PKD1: variants seen among roughly 807,000 people sequenced by gnomAD.
PKD1 encodes polycystin-1.
PKD1 carries 81 observed loss-of-function variants against 361.7 expected under a neutral mutation model. That is an observed-to-expected ratio of 0.22 (90% CI 0.19 to 0.27). PKD1 has a LOEUF of 0.27. PKD1 is among the 10% of genes least tolerant of loss of function. The probability of loss-of-function intolerance (pLI) is 1.00; values close to 1 mark genes in which losing one functional copy is unlikely to be tolerated. For synonymous variants in PKD1, 3,615 were observed against 2,818.3 expected, an observed-to-expected ratio of 1.28 and a Z score of -8.95; for missense variants, 6,399 against 6,118.3, an observed-to-expected ratio of 1.05 and a Z score of -1.53.
At position 2,108,565 on chromosome 16, in the gene PKD1, G is replaced by A. The variant is rs564434419; in HGVS notation, c.6602C>T (p.Pro2201Leu). 5 of 1,576,678 alleles carry A rather than the reference G, an allele frequency of 3.2e-6. No homozygotes were observed. The highest frequency in any genetic ancestry group is 3.6e-5 in the Admixed American group (2 of 54,842). The change falls in exon 15 of 46, where the codon CCA (proline) becomes CTA (leucine). Residue 2201 changes from proline (P) to leucine (L), a missense_variant. Pro to Leu is a moderately conservative substitution (Grantham distance 98, BLOSUM62 -3). Coordinates refer to ENST00000262304, the MANE Select transcript of PKD1 (RefSeq NM_001009944.3). ...CACGCCGGGCAGGGCCACACGCGCT[G>A]GGCGCCCCGGCCGCTGGCAGCTGGC... ...RTASCQRPGR[P>L]ARVALPGVDV...
At chr16:2,097,292 G>C (rs2091887952) in intron 33 of PKD1, 27 bp downstream of exon 33, 1 of 1,611,200 alleles carries the variant, frequency 6.2e-7, no homozygotes, top group South Asian at 1.1e-5. Flanking sequence ...GTGAGCTTCA[G>C]AGCCCCCTCC....
chr16:2,135,343 C>A (rs1464730818), intron 1 of PKD1, 132 bp downstream of exon 1: 1 of 1,068,038 alleles, frequency 9.4e-7, no homozygotes, highest in Non-Finnish European at 1.1e-6. Context: ...TTAGCAGGGC[C>A]GCCGTGCCGC....
At chr16:2,107,407 G>A (rs2092378788) in intron 16 of PKD1, 1 of 360,108 alleles carries the variant, frequency 2.8e-6, no homozygotes, top group Non-Finnish European at 5.3e-6. Flanking sequence ...CCCCAATCAG[G>A]CCAGCTGAGG....
chr16:2,103,404 G>T lies in PKD1; in HGVS notation c.8653C>A (p.Arg2885=). The change falls in exon 23 of 46, where the codon CGG becomes AGG. Residue 2885 remains arginine (R), a synonymous_variant. Transcript: ENST00000262304. ...GAGTTGGCGGAGCTGCGGTGGCCCC[G>T]GGCAGCCCAGTCCGAGTTGTTGGGC... ...KVPNNSDWAA[R]GHRSSANSAN... 6.3e-7 allele frequency: 1 copy of T among 1,599,618 alleles called. No homozygotes were observed. The highest frequency in any genetic ancestry group is 8.5e-7 in the Non-Finnish European group (1 of 1,179,612).
chr16:2,113,178 C>G lies in PKD1; in HGVS notation c.2968G>C (p.Ala990Pro), dbSNP rs1028623903. The change falls in exon 12 of 46, where the codon GCG (alanine) becomes CCG (proline). Residue 990 changes from alanine to proline, a missense_variant. Transcript: ENST00000262304. ...VVFNVIYQSA[A>P]VFKLSLTASN... The stretch of plus-strand genomic sequence containing the variant: ...CCACCTACTGAGAGCTTGAAGACCG[C>G]CGCGCTCTGATAAATGACATTGAAG... The G allele has an allele frequency of 1.0e-5, 11 of 1,078,078 alleles. No homozygotes were observed. The highest frequency in any genetic ancestry group is 7.1e-5 in the East Asian group (3 of 42,320). 66.8% of individuals were successfully genotyped at this position (1,078,078 alleles called of 1,614,324 possible). A position where few individuals can be genotyped will look rare whatever the true frequency, so the allele number is the denominator to read the frequency against.
chr16:2,127,534 C>T (rs973975218), intron 1 of PKD1, among the ~76,000 whole-genome samples: 14 of 152,294 alleles, frequency 9.2e-5, no homozygotes, highest in Middle Eastern at 3.4e-3. Flanking sequence ...TGGCTCTCAC[C>T]CTCAGGCTGT....
At chr16:2,130,615 G>A (rs749799990) in intron 1 of PKD1, among the ~76,000 whole-genome samples, 1 of 152,200 alleles carries the variant, frequency 6.6e-6, no homozygotes, top group African/African-American at 2.4e-5. Flanking sequence ...GGAGCCAGGG[G>A]CCCCTCCGTG....
At chr16:2,095,860 G>A (rs558253621) in intron 34 of PKD1, among the ~76,000 whole-genome samples, 68 of 152,336 alleles carry the variant, frequency 4.5e-4, no homozygotes, top group Non-Finnish European at 6.5e-4. Flanking sequence ...TTGGGCCGGA[G>A]ATACCTGGGG....
chr16:2,096,900 C>T (rs2091870338), intron 34 of PKD1: 1 of 575,898 alleles, frequency 1.7e-6, no homozygotes, highest in Non-Finnish European at 3.1e-6. Context: ...CAGCCTCACA[C>T]AGGAGCCTTT....
In PKD1 at chr16:2,090,041, T is replaced by C. The variant is rs1413214897; in HGVS notation, c.12598A>G (p.Ser4200Gly). 1 of 1,611,520 alleles carries C rather than the reference T, an allele frequency of 6.2e-7. No homozygotes were observed. The highest frequency in any genetic ancestry group is 1.1e-5 in the South Asian group (1 of 90,968). ...SSSQLDGLSVSLGRLGTRCEP... is the reference protein window; with the variant it reads ...SSSQLDGLSVGLGRLGTRCEP... Reference sequence around the variant, plus strand: ...CACCTTGTCCCCAGCCGGCCCAGGCTCACGCTCAGCCCATCCAGCTGGCTG... The same window carrying C: ...CACCTTGTCCCCAGCCGGCCCAGGCCCACGCTCAGCCCATCCAGCTGGCTG... The change falls in exon 46 of 46, where the codon AGC becomes GGC. Residue 4200 changes from serine (S) to glycine (G), a missense_variant. Physicochemically the swap from Ser to Gly is moderately conservative, Grantham distance 56. Transcript: ENST00000262304.
rs771932172 is a variant in PKD1, at chr16:2,106,914, G to A, written c.7100C>T (p.Ser2367Phe). The change falls in exon 17 of 46, where the codon TCC (serine) becomes TTC (phenylalanine). Residue 2367 changes from serine (S) to phenylalanine (F), a missense_variant. Ser to Phe is a radical substitution (Grantham distance 155, BLOSUM62 -2). Coordinates refer to ENST00000262304, the MANE Select transcript of PKD1 (RefSeq NM_001009944.3). This position sits in a 1 kb window ranked among gnomAD's most constrained non-coding sequence, Gnocchi z 6.5. ...TGCCTTGCAGGACACACACTCCAAG[G>A]ACACAATGGGCACCCGGCCACTCCG... ...LIRSGRVPIV[S>F]LECVSCKAQA... 188 of 1,572,236 alleles carry A rather than the reference G, an allele frequency of 1.2e-4. 2 individuals are homozygous for A. In the East Asian group the frequency reaches 4.1e-3, roughly 34 times the overall value.
At position 2,135,510 on chromosome 16, in the gene PKD1, A is replaced by C. The variant is rs2092940096; in HGVS notation, c.180T>G (p.Gly60=). The change falls in exon 1 of 46, where the codon GGT becomes GGG. Residue 60 remains glycine, a synonymous_variant. Coordinates refer to ENST00000262304, the MANE Select transcript of PKD1 (RefSeq NM_001009944.3). ...CGTCCGCGGGGATGCGCAGCGCGGG[A>C]CCGAGCGTCCGCAGCCCGCGGCCCG... The part of the protein sequence containing the change: ...NCSGRGLRTL[G]PALRIPADAT... 1 of 1,169,198 alleles carries C rather than the reference A, an allele frequency of 8.6e-7. No homozygotes were observed. The highest frequency in any genetic ancestry group is 1.6e-5 in the African/African-American group (1 of 61,910). The allele number at this position is 1,169,198 out of a possible 1,614,324, so 72.4% of individuals were successfully genotyped here. A position where few individuals can be genotyped will look rare whatever the true frequency, so the allele number is the denominator to read the frequency against.
In PKD1 at chr16:2,111,612, G is replaced by A; in HGVS notation, c.3555C>T (p.Gly1185=). 1 of 1,573,596 alleles carries A rather than the reference G, an allele frequency of 6.4e-7. No individual in the cohort carries two copies. The highest frequency in any genetic ancestry group is 8.6e-7 in the Non-Finnish European group (1 of 1,160,708). Residue 1185 remains glycine, a synonymous_variant, in exon 15 of 46, where the codon GGC becomes GGT. Coordinates refer to ENST00000262304, the MANE Select transcript of PKD1 (RefSeq NM_001009944.3). The part of the protein sequence containing the change: ...PAANHTYASR[G]TYHVRLEVNN... Reference sequence around the variant, plus strand: ...TGACCTCCAGGCGCACGTGGTAGGTGCCCCTCGAGGCATAGGTGTGGTTGG... The same window carrying A: ...TGACCTCCAGGCGCACGTGGTAGGTACCCCTCGAGGCATAGGTGTGGTTGG...
At chr16:2,128,526 A>G (rs1221218711) in intron 1 of PKD1, among the ~76,000 whole-genome samples, 1 of 152,062 alleles carries the variant, frequency 6.6e-6, no homozygotes, top group Non-Finnish European at 1.5e-5. Flanking sequence ...TCTGCCCCAG[A>G]GCATGCTGAT....
rs751392918 is a variant in PKD1, at chr16:2,092,165, G to A, written c.11293C>T (p.Pro3765Ser). Residue 3765 changes from proline (P) to serine (S), a missense_variant, in exon 40 of 46, where the codon CCC (proline) becomes TCC (serine). Pro to Ser is a moderately conservative substitution (Grantham distance 74). Coordinates refer to ENST00000262304, the MANE Select transcript of PKD1 (RefSeq NM_001009944.3). ...QEALYPDPPG[P>S]RVHTCSAAGG... ...GCGGCCGAGCACGTGTGGACCCTGG[G>A]GCCGGGAGGGTCTGGGTAGAGTGCT... 6 of 1,609,822 alleles carry A rather than the reference G, an allele frequency of 3.7e-6. No homozygotes were observed. Among genetic ancestry groups the A allele is most frequent in the Admixed American group, 1.7e-5 (1 of 59,592 alleles).
At chr16:2,132,624 T>C (rs2092900633) in intron 1 of PKD1, among the ~76,000 whole-genome samples, 1 of 148,714 alleles carries the variant, frequency 6.7e-6, no homozygotes, top group South Asian at 2.1e-4. Context: ...AATTGCAGTG[T>C]GTGGACCTTA....
chr16:2,130,208 CG>C (rs2092854554), intron 1 of PKD1, among the ~76,000 whole-genome samples: 1 of 152,248 alleles, frequency 6.6e-6, no homozygotes, highest in South Asian at 2.1e-4. Flanking sequence ...TCAGGGACCC[CG>C]GGTGAGGCCA....
chr16:2,114,316 T>A lies in PKD1; in HGVS notation c.2707A>T (p.Ser903Cys), dbSNP rs4018172. 3 of 1,610,540 alleles carry A rather than the reference T, an allele frequency of 1.9e-6. No homozygotes were observed. Among genetic ancestry groups the A allele is most frequent in the Non-Finnish European group, 2.5e-6 (3 of 1,179,700 alleles). Residue 903 changes from serine to cysteine, a missense_variant, in exon 11 of 46, where the codon AGT becomes TGT. Physicochemically the swap from Ser to Cys is moderately radical, Grantham distance 112 (BLOSUM62 -1). Coordinates refer to ENST00000262304, the MANE Select transcript of PKD1 (RefSeq NM_001009944.3). ...LFSVVALPWL[S>C]EGEHVVDVVV... The stretch of plus-strand genomic sequence containing the variant: ...ACGTCCACCACGTGCTCCCCCTCAC[T>A]GAGCCACGGCAGTGCTACCACTGAG...
chr16:2,121,908 C>T (rs960482382), intron 1 of PKD1, among the ~76,000 whole-genome samples: 2 of 152,332 alleles, frequency 1.3e-5, no homozygotes, highest in African/African-American at 2.4e-5. Flanking sequence ...AATGACCACC[C>T]GGCAGCCAGC....
Sources: allele counts gnomAD v4.1 joint callset (sites outside exome capture counted in the v4.1 genomes callset), GRCh38; gene constraint gnomAD v4.1.1; non-coding constraint Gnocchi (gnomAD v3.1); transcripts MANE v1.5; gene names NCBI Gene and HGNC (gene_info 2026-07-23, HGNC 2026-07-21).